NTN1: variants seen among roughly 807,000 people sequenced by gnomAD.
NTN1 encodes netrin-1.
A neutral mutation model predicts 54.2 loss-of-function variants in NTN1; 11 were observed. The ratio of observed to expected loss-of-function variants is 0.20; its 90% confidence interval spans 0.13 to 0.34. The LOEUF is 0.34. Among genes scored for constraint, NTN1 ranks in the 10% least tolerant of loss-of-function variants. NTN1 has a pLI of 1.00. For synonymous variants in NTN1, 371 were observed against 382.0 expected, an observed-to-expected ratio of 0.97 and a Z score of 0.33; for missense variants, 740 against 893.1, an observed-to-expected ratio of 0.83 and a Z score of 2.18.
intron 2 of NTN1, among the ~76,000 whole-genome samples, chr17:9,154,966 C>A (rs553600279): frequency 2.6e-5 from 4 of 152,122 alleles, no homozygotes; most frequent in Admixed American, 1.3e-4. Flanking sequence ...GTTCCAGTTC[C>A]ATCCCTCCCC....
At chr17:9,226,861 C>T (rs952863857) in intron 6 of NTN1, among the ~76,000 whole-genome samples, 33 of 152,128 alleles carry the variant, frequency 2.2e-4, no homozygotes, top group Admixed American at 9.8e-4. Flanking sequence ...CAAGGCCCTG[C>T]TGGAGGCACC....
chr17:9,217,684 T>C (rs1905244032), intron 5 of NTN1, among the ~76,000 whole-genome samples: 1 of 152,058 alleles, frequency 6.6e-6, no homozygotes, highest in Admixed American at 6.5e-5. Context: ...TCACTTTACC[T>C]AAGGGAGAAC....
At chr17:9,169,365 A>C (rs1057470103) in intron 3 of NTN1, among the ~76,000 whole-genome samples, 1 of 152,206 alleles carries the variant, frequency 6.6e-6, no homozygotes, top group Non-Finnish European at 1.5e-5. Flanking sequence ...AATTAGGTGG[A>C]GGTGGTTTGA....
chr17:9,115,914 G>C (rs1443868094), intron 2 of NTN1, among the ~76,000 whole-genome samples: 1 of 152,262 alleles, frequency 6.6e-6, no homozygotes, highest in Non-Finnish European at 1.5e-5. Context: ...ATGAACAGTC[G>C]GAGAATTTTC....
At chr17:9,105,963 C>A (rs1481309821) in intron 2 of NTN1, among the ~76,000 whole-genome samples, 3 of 151,924 alleles carry the variant, frequency 2.0e-5, no homozygotes, top group East Asian at 3.9e-4. Context: ...GTGGGGAAAC[C>A]AAGAGACCAT....
rs1905288976 is a variant in NTN1 at position 9,219,715 on chromosome 17, C to T, written c.1412-1453C>T. Among the ~76,000 whole-genome samples, 1 of 152,198 alleles carries T rather than the reference C, an allele frequency of 6.6e-6. No individual in the cohort carries two copies. The highest frequency in any genetic ancestry group is 6.5e-5 in the Admixed American group (1 of 15,284). On this transcript the variant is annotated intron_variant, in intron 5 of 6. Coordinates refer to ENST00000173229, the MANE Select transcript of NTN1 (RefSeq NM_004822.3). This position sits in a 1 kb window ranked among gnomAD's most constrained non-coding sequence, Gnocchi z 4.5. The stretch of plus-strand genomic sequence containing the variant: ...GGTGGCACTGGGAGGCCTCTGCTTT[C>T]CTGCTTCGGCTTCCCCTTGTGCTCC...
At chr17:9,223,910 GAAT>G (rs1905449004) in intron 6 of NTN1, among the ~76,000 whole-genome samples, 1 of 152,192 alleles carries the variant, frequency 6.6e-6, no homozygotes, top group South Asian at 2.1e-4. Flanking sequence ...GAAGGGAGAG[GAAT>G]AGGTGGGCTT....
chr17:9,151,156 C>T (rs945711798), intron 2 of NTN1, among the ~76,000 whole-genome samples: 1 of 152,204 alleles, frequency 6.6e-6, no homozygotes, highest in South Asian at 2.1e-4. Flanking sequence ...GAGGGTCTGG[C>T]TGCGGGGTGG....
intron 2 of NTN1, among the ~76,000 whole-genome samples, chr17:9,125,090 CTCACTCTG>C (rs2092242424): frequency 6.6e-6 from 1 of 152,126 alleles, no homozygotes; most frequent in African/African-American, 2.4e-5. Context: ...AAGACAGAGT[CTCACTCTG>C]TCACCCAGGC....
chr17:9,015,820 C>T, the NTN1 span, among the ~76,000 whole-genome samples: 1 of 151,976 alleles, frequency 6.6e-6, no homozygotes, highest in African/African-American at 2.4e-5. Flanking sequence ...CCTGTAATCC[C>T]AGCACTTTGG....
intron 2 of NTN1, among the ~76,000 whole-genome samples, chr17:9,074,098 C>A (rs554224892): frequency 6.6e-6 from 1 of 152,260 alleles, no homozygotes; most frequent in East Asian, 1.9e-4. Flanking sequence ...GGGGATTGGT[C>A]TTTTGGCGCC....
chr17:9,091,446 C>T (rs892173881), intron 2 of NTN1, among the ~76,000 whole-genome samples: 5 of 131,424 alleles, frequency 3.8e-5, no homozygotes, highest in African/African-American at 1.1e-4. Context: ...CTACGTTTAA[C>T]CCCCCGCCTT....
At chr17:9,118,343 C>A (rs1269151839) in intron 2 of NTN1, among the ~76,000 whole-genome samples, 2 of 152,058 alleles carry the variant, frequency 1.3e-5, no homozygotes, top group Non-Finnish European at 2.9e-5. Flanking sequence ...ATGGTAAAAC[C>A]CTGTCTCTAC....
intron 2 of NTN1, among the ~76,000 whole-genome samples, chr17:9,088,043 A>G (rs1028764525): frequency 6.6e-6 from 1 of 152,146 alleles, no homozygotes; most frequent in Non-Finnish European, 1.5e-5. Flanking sequence ...GGCAGGAACG[A>G]GGCTGCCTCA....
At chr17:9,227,281 GCACGCATA>G (rs1418474418) in intron 6 of NTN1, among the ~76,000 whole-genome samples, 3 of 148,066 alleles carry the variant, frequency 2.0e-5, no homozygotes, top group Non-Finnish European at 4.5e-5. Context: ...TATACCACAT[GCACGCATA>G]CACACATACA....
rs975942455 is a variant in NTN1 at position 9,240,239 on chromosome 17, C to T, written c.*271C>T. On this transcript the variant is annotated 3_prime_UTR_variant, in exon 7 of 7. Coordinates refer to ENST00000173229, the MANE Select transcript of NTN1 (RefSeq NM_004822.3). ...GAAATGACGAGACGTAGCTACCTCA[C>T]GGGGCTCCTTCCAGAGCAGAGACGC... 9 of 153,958 alleles carry T rather than the reference C, an allele frequency of 5.8e-5. No individual in the cohort carries two copies. The highest frequency in any genetic ancestry group is 1.2e-4 in the African/African-American group (5 of 41,444). 9.5% of individuals were successfully genotyped at this position (153,958 alleles called of 1,614,324 possible). A position where few individuals can be genotyped will look rare whatever the true frequency, so the allele number is the denominator to read the frequency against.
At chr17:9,052,108 G>C (rs1230595558) in intron 2 of NTN1, among the ~76,000 whole-genome samples, 2 of 152,140 alleles carry the variant, frequency 1.3e-5, no homozygotes, top group African/African-American at 4.8e-5. Flanking sequence ...AAGTTGCTGG[G>C]ATTACAGGCA....
At chr17:9,040,972 C>T (rs1453080172) in intron 2 of NTN1, among the ~76,000 whole-genome samples, 1 of 152,038 alleles carries the variant, frequency 6.6e-6, no homozygotes, top group Non-Finnish European at 1.5e-5. Context: ...CCATGCCCAG[C>T]TAATTTTTTA....
chr17:9,188,652 G>A (rs1431694136), intron 5 of NTN1, among the ~76,000 whole-genome samples: 2 of 152,068 alleles, frequency 1.3e-5, no homozygotes, highest in African/African-American at 2.4e-5. Context: ...AGGGGATGGC[G>A]GAAGTCGTCT....
Sources: allele counts gnomAD v4.1 joint callset (sites outside exome capture counted in the v4.1 genomes callset), GRCh38; gene constraint gnomAD v4.1.1; non-coding constraint Gnocchi (gnomAD v3.1); transcripts MANE v1.5; gene names NCBI Gene and HGNC (gene_info 2026-07-23, HGNC 2026-07-21).